The following CWF19L2 variants were observed in gnomAD, a reference collection of about 807,000 sequenced individuals.
CWF19L2 encodes the protein CWF19-like protein 2.
Under a neutral mutation model 111.7 loss-of-function variants are expected in CWF19L2, and 98 were observed. That is an observed-to-expected ratio of 0.88 (90% confidence interval 0.75 to 1.04). The LOEUF is 1.04. CWF19L2 is among the 50% of genes least tolerant of loss of function. The pLI, the probability that CWF19L2 is intolerant of heterozygous loss-of-function variation, is 0.00. For synonymous variants in CWF19L2, 351 were observed against 342.9 expected, an observed-to-expected ratio of 1.02 and a Z score of -0.26; for missense variants, 1,101 against 1,051.4, an observed-to-expected ratio of 1.05 and a Z score of -0.65.
intron 3 of CWF19L2, among the ~76,000 whole-genome samples, chr11:107,451,873 T>C (rs77458803): frequency 0.012 from 1,896 of 152,238 alleles, 45 homozygotes; most frequent in African/African-American, 0.042. Flanking sequence ...ACTTACCAAA[T>C]TCAATACTCA....
intron 8 of CWF19L2, among the ~76,000 whole-genome samples, chr11:107,419,154 A>C (rs964258735): frequency 6.6e-6 from 1 of 152,198 alleles, no homozygotes; most frequent in Non-Finnish European, 1.5e-5. Flanking sequence ...CATTCCTGGG[A>C]ACTGCTTATC....
At chr11:107,417,311 A>G (rs925857344) in intron 9 of CWF19L2, among the ~76,000 whole-genome samples, 17 of 152,196 alleles carry the variant, frequency 1.1e-4, no homozygotes, top group African/African-American at 3.4e-4. Context: ...GCATGTGACA[A>G]TAAGTGAATG....
intron 10 of CWF19L2, among the ~76,000 whole-genome samples, chr11:107,395,602 T>A (rs963653990): frequency 6.6e-5 from 10 of 152,290 alleles, no homozygotes; most frequent in African/African-American, 2.4e-4. Flanking sequence ...GAAATAAAGG[T>A]AAAGCATTTT....
intron 14 of CWF19L2, among the ~76,000 whole-genome samples, chr11:107,340,239 C>A (rs1321151403): frequency 6.6e-6 from 1 of 152,072 alleles, no homozygotes; most frequent in Non-Finnish European, 1.5e-5. Context: ...ACAATTTTAT[C>A]TTGTTTTTCT....
chr11:107,423,350 A>G (rs890851725), intron 8 of CWF19L2, among the ~76,000 whole-genome samples: 4 of 151,992 alleles, frequency 2.6e-5, no homozygotes, highest in Non-Finnish European at 5.9e-5. Flanking sequence ...ATTATGTGGA[A>G]TTATAGATAT....
At chr11:107,361,533 G>C (rs1212382592) in intron 12 of CWF19L2, among the ~76,000 whole-genome samples, 2 of 152,140 alleles carry the variant, frequency 1.3e-5, no homozygotes, top group Non-Finnish European at 2.9e-5. Context: ...TATGTTGATA[G>C]AGATTATAAT....
intron 6 of CWF19L2, among the ~76,000 whole-genome samples, chr11:107,436,012 G>T (rs1861535890): frequency 6.6e-6 from 1 of 151,898 alleles, no homozygotes; most frequent in Non-Finnish European, 1.5e-5. Flanking sequence ...AAATTAGCTG[G>T]GTGTGGTGGC....
intron 12 of CWF19L2, among the ~76,000 whole-genome samples, chr11:107,374,449 G>C (rs1283177133): frequency 2.8e-5 from 3 of 105,668 alleles, no homozygotes; most frequent in East Asian, 2.6e-4. Context: ...AGCCAGAAGA[G>C]AGTGGGGGCC....
At chr11:107,422,804 T>C (rs983931093) in intron 8 of CWF19L2, among the ~76,000 whole-genome samples, 2 of 151,944 alleles carry the variant, frequency 1.3e-5, no homozygotes, top group Non-Finnish European at 2.9e-5. Context: ...TATTTTTAAA[T>C]AGTGAATTCT....
At chr11:107,406,439 C>T (rs1450819794) in intron 10 of CWF19L2, among the ~76,000 whole-genome samples, 3 of 152,148 alleles carry the variant, frequency 2.0e-5, no homozygotes, top group Non-Finnish European at 4.4e-5. Flanking sequence ...ACACAAGTAC[C>T]TGGCCAAGGC....
At chr11:107,438,607 G>T (rs978465666) in intron 6 of CWF19L2, among the ~76,000 whole-genome samples, 5 of 152,158 alleles carry the variant, frequency 3.3e-5, no homozygotes, top group Admixed American at 6.5e-5. Flanking sequence ...ATAAAACTAT[G>T]TATTTAATTA....
rs987253235 is a variant in CWF19L2 at position 107,333,008 on chromosome 11, C to A, written c.2439+1873G>T. On this transcript the variant is annotated intron_variant, in intron 16 of 17. Coordinates refer to ENST00000282251, the MANE Select transcript of CWF19L2 (RefSeq NM_152434.3). ...TGGTGCGCTCCTGTATTCCCAGCTA[C>A]TCAAGAGGCAGACGCAGGAGAATCA... is the stretch of plus-strand genomic sequence containing the variant. 5.9e-5 allele frequency among the ~76,000 whole-genome samples: 9 copies of A among 151,632 alleles called. No individual in the cohort carries two copies. The East Asian group carries it at 1.8e-3, about 29-fold the overall frequency.
chr11:107,345,459 C>A (rs1252929674), intron 14 of CWF19L2: 1 of 456,328 alleles, frequency 2.2e-6, no homozygotes, highest in South Asian at 1.6e-5. Flanking sequence ...CCCTTTCTGG[C>A]TTAATTATTG....
chr11:107,385,385 C>T (rs940263326), intron 12 of CWF19L2, among the ~76,000 whole-genome samples: 1 of 151,616 alleles, frequency 6.6e-6, no homozygotes, highest in South Asian at 2.1e-4. Flanking sequence ...TACAACACTA[C>T]TACAAATTCA....
chr11:107,388,106 T>C (rs1056009210), intron 12 of CWF19L2, among the ~76,000 whole-genome samples: 12 of 152,322 alleles, frequency 7.9e-5, no homozygotes, highest in African/African-American at 2.4e-4. Context: ...TTCAGTCTGA[T>C]GAAACATCAC....
chr11:107,328,005 G>A (rs11212163), intron 17 of CWF19L2, among the ~76,000 whole-genome samples: 40,349 of 151,872 alleles, frequency 0.27, 5,604 homozygotes, highest in Non-Finnish European at 0.31. Flanking sequence ...AGAGATTGTG[G>A]GGTGAAGACA....
intron 10 of CWF19L2, among the ~76,000 whole-genome samples, chr11:107,407,929 A>C (rs1215676496): frequency 6.6e-6 from 1 of 152,068 alleles, no homozygotes; most frequent in Non-Finnish European, 1.5e-5. Context: ...TCCATGACTG[A>C]AGCCTACAGG....
At chr11:107,346,082 C>A (rs1448016015) in intron 14 of CWF19L2, among the ~76,000 whole-genome samples, 1 of 152,074 alleles carries the variant, frequency 6.6e-6, no homozygotes, top group Non-Finnish European at 1.5e-5. Flanking sequence ...CTATACTGCA[C>A]AATGTTGCAG....
chr11:107,411,045 T>C (rs1375235217), intron 10 of CWF19L2, among the ~76,000 whole-genome samples: 6 of 151,500 alleles, frequency 4.0e-5, no homozygotes, highest in Admixed American at 1.3e-4. Flanking sequence ...CAGGCTTAGG[T>C]CTATGCTTTT....
Sources: allele counts gnomAD v4.1 joint callset (sites outside exome capture counted in the v4.1 genomes callset), GRCh38; gene constraint gnomAD v4.1.1; transcripts MANE v1.5; gene names NCBI Gene and HGNC (gene_info 2026-07-23, HGNC 2026-07-21).